The following CACNA2D1 variants were observed in gnomAD, a reference collection of about 807,000 sequenced individuals.
CACNA2D1 encodes calcium voltage-gated channel auxiliary subunit alpha2delta 1.
Under a neutral mutation model 171.5 loss-of-function variants are expected in CACNA2D1, and 53 were observed. The observed-to-expected ratio is 0.31, with a 90% CI of 0.25 to 0.39. The LOEUF (loss-of-function observed/expected upper bound fraction) is 0.39. Among genes scored for constraint, CACNA2D1 ranks in the 10% least tolerant of loss-of-function variants. CACNA2D1 has a pLI of 1.00. For synonymous variants in CACNA2D1, 442 were observed against 443.1 expected, an observed-to-expected ratio of 1.00 and a Z score of 0.03; for missense variants, 903 against 1,299.8, an observed-to-expected ratio of 0.69 and a Z score of 4.69.
chr7:82,391,326 C>T (rs1825096197), intron 1 of CACNA2D1, among the ~76,000 whole-genome samples: 2 of 152,144 alleles, frequency 1.3e-5, no homozygotes, highest in African/African-American at 4.8e-5. Flanking sequence ...AAAGGAAATT[C>T]CTCATAATTT....
At chr7:82,045,286 T>A (rs1804426275) in intron 10 of CACNA2D1, among the ~76,000 whole-genome samples, 1 of 152,172 alleles carries the variant, frequency 6.6e-6, no homozygotes, top group South Asian at 2.1e-4. Flanking sequence ...CTATTTGAAT[T>A]TGATTGCTAG....
intron 3 of CACNA2D1, among the ~76,000 whole-genome samples, chr7:82,257,736 C>A (rs1806475843): frequency 6.6e-6 from 1 of 152,092 alleles, no homozygotes. Context: ...TGGACTGGTT[C>A]TCACATTTAA....
chr7:82,317,438 C>G (rs1263356254), intron 3 of CACNA2D1, among the ~76,000 whole-genome samples: 1 of 152,116 alleles, frequency 6.6e-6, no homozygotes, highest in Admixed American at 6.5e-5. Context: ...AAACTGTCCT[C>G]CTTCCAGTAT....
intron 18 of CACNA2D1, among the ~76,000 whole-genome samples, chr7:82,002,932 T>C (rs1217100390): frequency 7.9e-5 from 12 of 152,142 alleles, no homozygotes; most frequent in Admixed American, 7.9e-4. Context: ...CCTTGTTAAA[T>C]AATAATGGCT....
intron 3 of CACNA2D1, among the ~76,000 whole-genome samples, chr7:82,291,501 T>G (rs560204187): frequency 1.2e-4 from 16 of 137,262 alleles, no homozygotes; most frequent in African/African-American, 4.3e-4. Flanking sequence ...TATTTTTATA[T>G]ATAGATAGAT....
intron 6 of CACNA2D1, among the ~76,000 whole-genome samples, chr7:82,111,112 GATAT>G (rs1788321489): frequency 6.6e-6 from 1 of 151,346 alleles, no homozygotes; most frequent in Non-Finnish European, 1.5e-5. Context: ...TCATTCCTAT[GATAT>G]ATATTTTAAC....
chr7:82,043,574 C>A (rs947327208), intron 10 of CACNA2D1, among the ~76,000 whole-genome samples: 2 of 152,148 alleles, frequency 1.3e-5, no homozygotes, highest in Non-Finnish European at 2.9e-5. Context: ...TATTAAATAT[C>A]CCAGTCAGGT....
chr7:82,381,021 T>C lies in CACNA2D1; in HGVS notation c.96-31372A>G, dbSNP rs80109716. ...CATTTATTATTAATGTGTATAAATA[T>C]GTCCTTGACGGCCGGGTGTGGTGGC... On this transcript the variant is annotated intron_variant, in intron 1 of 38. Coordinates refer to ENST00000356860, the MANE Select transcript of CACNA2D1 (RefSeq NM_000722.4). Among the ~76,000 whole-genome samples the C allele has an allele frequency of 5.3e-4, 80 of 151,840 alleles. No homozygotes were observed. The East Asian group carries it at 0.011, about 21-fold the overall frequency.
At chr7:82,329,576 G>A (rs886983619) in intron 3 of CACNA2D1, among the ~76,000 whole-genome samples, 2 of 152,108 alleles carry the variant, frequency 1.3e-5, no homozygotes, top group East Asian at 3.9e-4. Flanking sequence ...GCTTTCTCCT[G>A]TAAATTGTTC....
At chr7:82,432,926 CTGTAA>C (rs566769409) in intron 1 of CACNA2D1, among the ~76,000 whole-genome samples, 400 of 152,286 alleles carry the variant, frequency 2.6e-3, no homozygotes, top group African/African-American at 9.3e-3. Context: ...CGGCTCACGC[CTGTAA>C]TCCTAGCACT....
chr7:82,321,453 A>C (rs567022288), intron 3 of CACNA2D1, among the ~76,000 whole-genome samples: 1 of 152,252 alleles, frequency 6.6e-6, no homozygotes, highest in South Asian at 2.1e-4. Flanking sequence ...CCTCAAAAAA[A>C]AGTGAGATGG....
chr7:82,249,300 G>T (rs911248093), intron 3 of CACNA2D1, among the ~76,000 whole-genome samples: 5 of 152,010 alleles, frequency 3.3e-5, no homozygotes, highest in Non-Finnish European at 7.4e-5. Flanking sequence ...AGGCATTCAA[G>T]GAATATAATT....
intron 1 of CACNA2D1, among the ~76,000 whole-genome samples, chr7:82,374,784 GCCCCC>G (rs144170964): frequency 6.7e-6 from 1 of 149,138 alleles, no homozygotes; most frequent in Non-Finnish European, 1.5e-5. Flanking sequence ...AAACAAAAAT[GCCCCC>G]CAAAAAAAGA....
Position 82,395,948 on chromosome 7 carries a change from G to C in CACNA2D1, c.96-46299C>G, listed in dbSNP as rs993789668. On this transcript the variant is annotated intron_variant, in intron 1 of 38. Transcript: ENST00000356860. The stretch of plus-strand genomic sequence containing the variant: ...TAGGCTTAAGGGAGATGATATATGT[G>C]AAAATCCTATGCAGACTACAGAATG... 4.6e-4 allele frequency among the ~76,000 whole-genome samples: 70 copies of C among 152,136 alleles called. 1 individual carries two copies. The highest frequency in any genetic ancestry group is 1.5e-4 in the Non-Finnish European group (10 of 68,024).
intron 1 of CACNA2D1, among the ~76,000 whole-genome samples, chr7:82,400,962 T>A (rs375026570): frequency 6.6e-6 from 1 of 152,086 alleles, no homozygotes; most frequent in Non-Finnish European, 1.5e-5. Context: ...AAAATGCTCA[T>A]CATCACTGGC....
intron 3 of CACNA2D1, among the ~76,000 whole-genome samples, chr7:82,226,045 A>G (rs181540742): frequency 5.9e-5 from 9 of 152,344 alleles, no homozygotes; most frequent in Admixed American, 5.9e-4. Flanking sequence ...TTTGAAATGT[A>G]TCAAATAGGA....
chr7:82,223,760 C>T (rs769694326), intron 3 of CACNA2D1, among the ~76,000 whole-genome samples: 3 of 152,182 alleles, frequency 2.0e-5, no homozygotes, highest in Non-Finnish European at 4.4e-5. Flanking sequence ...CCTGATTTCA[C>T]ACTTGTCACC....
chr7:81,959,228 T>C (rs1406490588), intron 38 of CACNA2D1, 47 bp downstream of exon 38: 1 of 1,291,350 alleles, frequency 7.7e-7, no homozygotes. Flanking sequence ...TTGCGGACAG[T>C]GACCATTAAT....
intron 4 of CACNA2D1, among the ~76,000 whole-genome samples, chr7:82,159,260 T>C (rs1794694302): frequency 6.6e-6 from 1 of 151,904 alleles, no homozygotes. Context: ...ATGGTAATCA[T>C]CAAATTGCAA....
Sources: allele counts gnomAD v4.1 joint callset (sites outside exome capture counted in the v4.1 genomes callset), GRCh38; gene constraint gnomAD v4.1.1; transcripts MANE v1.5; gene names NCBI Gene and HGNC (gene_info 2026-07-23, HGNC 2026-07-21).